Variants in DSCAM observed in about 807,000 individuals in gnomAD.
The protein encoded by DSCAM is DS cell adhesion molecule, also known as cell adhesion molecule DSCAM.
In DSCAM, 47 loss-of-function variants were observed where a neutral mutation model predicts 217.7. That is an observed-to-expected ratio of 0.22 (90% CI 0.17 to 0.28). The LOEUF (loss-of-function observed/expected upper bound fraction) is 0.28. DSCAM is among the 10% of genes least tolerant of loss of function. The pLI is 1.00. For synonymous variants in DSCAM, 1,056 were observed against 1,015.3 expected (o/e 1.04, Z -0.76); for missense variants, 2,080 against 2,618.3 (o/e 0.79, Z 4.49).
chr21:40,693,307 G>T (rs112644744), intron 2 of DSCAM, among the ~76,000 whole-genome samples: 3,487 of 152,120 alleles, frequency 0.023, 61 homozygotes, highest in African/African-American at 0.04. Context: ...ATGGTGGTGT[G>T]TGATTGTAGT....
At chr21:40,214,519 A>G (rs1377701365) in intron 11 of DSCAM, among the ~76,000 whole-genome samples, 2 of 152,170 alleles carry the variant, frequency 1.3e-5, no homozygotes, top group Non-Finnish European at 2.9e-5. Flanking sequence ...CACACTGTGA[A>G]CTTTTTTCCA....
chr21:40,400,048 C>G (rs1353299686), intron 3 of DSCAM, among the ~76,000 whole-genome samples: 1 of 152,158 alleles, frequency 6.6e-6, no homozygotes, highest in Admixed American at 6.5e-5. Flanking sequence ...GTGTTTGAAG[C>G]AGGTGTCATG....
At chr21:40,743,540 C>T (rs930457248) in intron 1 of DSCAM, among the ~76,000 whole-genome samples, 8 of 152,104 alleles carry the variant, frequency 5.3e-5, no homozygotes, top group African/African-American at 1.4e-4. Flanking sequence ...CTAGAGATGT[C>T]GAATTTCACA....
intron 7 of DSCAM, among the ~76,000 whole-genome samples, chr21:40,338,651 T>C (rs1278912805): frequency 6.6e-6 from 1 of 152,236 alleles, no homozygotes; most frequent in Non-Finnish European, 1.5e-5. Context: ...ATTTAATTAA[T>C]AGAAAGTAAC....
rs368222950 is a variant in DSCAM, at chr21:40,802,698, A to G, written c.43+43921T>C. 3.6e-4 allele frequency among the ~76,000 whole-genome samples: 55 copies of G among 152,304 alleles called. No individual in the cohort carries two copies. The South Asian group carries it at 0.01, about 29-fold the overall frequency. On this transcript the variant is annotated intron_variant, in intron 1 of 32. Coordinates refer to ENST00000400454, the MANE Select transcript of DSCAM (RefSeq NM_001389.5). ...ACAGGAGAAAGAGAGAAATCTCAGCAGCACACTCAGCCCTTCACCATGTGA... is the reference window on the plus strand; with the variant it reads ...ACAGGAGAAAGAGAGAAATCTCAGCGGCACACTCAGCCCTTCACCATGTGA...
chr21:40,056,402 GA>G (rs1355052045), intron 28 of DSCAM, among the ~76,000 whole-genome samples: 1 of 151,890 alleles, frequency 6.6e-6, no homozygotes, highest in African/African-American at 2.4e-5. Context: ...TTTTAGAATG[GA>G]AAAAAAGCAA....
chr21:40,154,630 C>T (rs541023349), intron 16 of DSCAM, among the ~76,000 whole-genome samples: 24 of 152,178 alleles, frequency 1.6e-4, no homozygotes, highest in South Asian at 4.1e-4. Flanking sequence ...TCCTAGGTCT[C>T]ATAATGGGTA....
chr21:40,074,909 G>A, intron 27 of DSCAM, 128 bp downstream of exon 27: 1 of 922,070 alleles, frequency 1.1e-6, no homozygotes, highest in East Asian at 2.7e-5. Context: ...GAACCAGGCA[G>A]TGGAGGGACC....
intron 18 of DSCAM, among the ~76,000 whole-genome samples, chr21:40,141,727 A>T (rs1479521427): frequency 6.6e-6 from 1 of 152,100 alleles, no homozygotes; most frequent in African/African-American, 2.4e-5. Context: ...TGGGCCCCCC[A>T]GGCTTGGGAC....
At chr21:40,242,380 C>T (rs2146944426) in intron 11 of DSCAM, among the ~76,000 whole-genome samples, 1 of 152,322 alleles carries the variant, frequency 6.6e-6, no homozygotes, top group South Asian at 2.1e-4. Context: ...ATATGACTGG[C>T]TTTAGCCAAT....
intron 3 of DSCAM, among the ~76,000 whole-genome samples, chr21:40,619,293 C>T (rs2089447925): frequency 6.6e-6 from 1 of 151,986 alleles, no homozygotes; most frequent in Non-Finnish European, 1.5e-5. Context: ...AAAATATACA[C>T]ATTTAATAAT....
chr21:40,667,693 T>G (rs1042998302), intron 3 of DSCAM, among the ~76,000 whole-genome samples: 1 of 152,104 alleles, frequency 6.6e-6, no homozygotes, highest in East Asian at 1.9e-4. Flanking sequence ...ACTGATGGTT[T>G]TATAAGGGGC....
Position 40,559,267 on chromosome 21 carries a change from G to T in DSCAM, c.508+133543C>A, listed in dbSNP as rs1469061626. Among the ~76,000 whole-genome samples, 5 of 151,868 alleles carry T rather than the reference G, an allele frequency of 3.3e-5. No homozygotes were observed. The South Asian group carries it at 8.3e-4, about 25-fold the overall frequency. ...AGGGCAGGAGATTGAGACCATCCTG[G>T]TCAACACGGTGAAACCCCGTCTCTA... On this transcript the variant is annotated intron_variant, in intron 3 of 32. Coordinates refer to ENST00000400454, the MANE Select transcript of DSCAM (RefSeq NM_001389.5).
chr21:40,300,074 C>A (rs1241029018), intron 9 of DSCAM, among the ~76,000 whole-genome samples: 1 of 152,054 alleles, frequency 6.6e-6, no homozygotes, highest in Non-Finnish European at 1.5e-5. Flanking sequence ...CCCACTGTGG[C>A]CCTCTCCTTC....
At chr21:40,456,576 C>G (rs960898198) in intron 3 of DSCAM, among the ~76,000 whole-genome samples, 10 of 152,114 alleles carry the variant, frequency 6.6e-5, no homozygotes, top group African/African-American at 2.4e-4. Context: ...ATATTGAACT[C>G]TAGCTAACGA....
chr21:40,463,845 T>A (rs1436517554), intron 3 of DSCAM, among the ~76,000 whole-genome samples: 1 of 152,204 alleles, frequency 6.6e-6, no homozygotes, highest in African/African-American at 2.4e-5. Context: ...ATCCCGCAAC[T>A]GTTGGCCTTA....
chr21:40,049,362 C>T (rs2088892183), intron 30 of DSCAM, among the ~76,000 whole-genome samples: 1 of 152,104 alleles, frequency 6.6e-6, no homozygotes, highest in Admixed American at 6.5e-5. Context: ...GAGCTTTTCC[C>T]TGCTGCCCCC....
chr21:40,283,772 T>G (rs950633188), intron 10 of DSCAM, among the ~76,000 whole-genome samples: 1 of 152,228 alleles, frequency 6.6e-6, no homozygotes, highest in South Asian at 2.1e-4. Context: ...AGGATTGTTG[T>G]GCACATAAAG....
chr21:40,189,006 G>A, intron 12 of DSCAM, 36 bp downstream of exon 12: 2 of 1,594,822 alleles, frequency 1.3e-6, no homozygotes, highest in Non-Finnish European at 1.7e-6. Context: ...TTCCAATAAA[G>A]TTCATTCCAT....
Sources: allele counts gnomAD v4.1 joint callset (sites outside exome capture counted in the v4.1 genomes callset), GRCh38; gene constraint gnomAD v4.1.1; transcripts MANE v1.5; gene names NCBI Gene and HGNC (gene_info 2026-07-23, HGNC 2026-07-21).